Variants in SPON1 observed in about 807,000 individuals in gnomAD.
SPON1 encodes spondin 1.
Under a neutral mutation model 111.7 loss-of-function variants are expected in SPON1, and 52 were observed. That is an observed-to-expected ratio of 0.47 (90% CI 0.37 to 0.59). The LOEUF is 0.59. Among genes scored for constraint, SPON1 ranks in the 20% least tolerant of loss-of-function variants. SPON1 has a pLI of 0.00. For synonymous variants in SPON1, 410 were observed against 395.8 expected, an observed-to-expected ratio of 1.04 and a Z score of -0.43; for missense variants, 957 against 1,068.5, an observed-to-expected ratio of 0.90 and a Z score of 1.46.
intron 7 of SPON1, among the ~76,000 whole-genome samples, chr11:14,245,921 G>A (rs12807052): frequency 0.11 from 17,317 of 152,260 alleles, 1,280 homozygotes; most frequent in South Asian, 0.18. Flanking sequence ...AAACAAGGAT[G>A]TGAATTCACA....
At chr11:14,009,653 T>C (rs923594711) in intron 2 of SPON1, among the ~76,000 whole-genome samples, 1 of 152,238 alleles carries the variant, frequency 6.6e-6, no homozygotes, top group Non-Finnish European at 1.5e-5. Flanking sequence ...ACAAAATATC[T>C]TAGACTCAGT....
chr11:14,044,903 A>G (rs1297566092), intron 3 of SPON1, among the ~76,000 whole-genome samples: 1 of 152,192 alleles, frequency 6.6e-6, no homozygotes. Context: ...TAACTGCTGC[A>G]TGTCTATGGT....
In SPON1 at chr11:14,020,360, A is replaced by C. The variant is rs536003013; in HGVS notation, c.346-21161A>C. Among the ~76,000 whole-genome samples the C allele has an allele frequency of 2.6e-5, 4 of 152,348 alleles. No homozygotes were observed. The South Asian group carries it at 8.3e-4, about 32-fold the overall frequency. Reference sequence around the variant, plus strand: ...AGCTTTGAGCAGAATGAGGCTGTAAAAAGCTGTCAGAGTTGGCAGTGAGGA... The same window carrying C: ...AGCTTTGAGCAGAATGAGGCTGTAACAAGCTGTCAGAGTTGGCAGTGAGGA... On this transcript the variant is annotated intron_variant, in intron 2 of 15. Coordinates refer to ENST00000576479, the MANE Select transcript of SPON1 (RefSeq NM_006108.4).
rs1554938370 is a variant in SPON1, at chr11:14,228,879, C to A, written c.826-14453C>A. On this transcript the variant is annotated intron_variant, in intron 6 of 15. Coordinates refer to ENST00000576479, the MANE Select transcript of SPON1 (RefSeq NM_006108.4). This position sits in a 1 kb window ranked among gnomAD's most constrained non-coding sequence, Gnocchi z 4.2. Reference sequence around the variant, plus strand: ...TCTTTGAGATGATCCTTAATATGTACACAATCTATTATTTTATTCTCACAA... The same window carrying A: ...TCTTTGAGATGATCCTTAATATGTAAACAATCTATTATTTTATTCTCACAA... Among the ~76,000 whole-genome samples the A allele has an allele frequency of 6.6e-6, 1 of 152,186 alleles. No homozygotes were observed. Among genetic ancestry groups the A allele is most frequent in the Non-Finnish European group, 1.5e-5 (1 of 68,036 alleles).
chr11:14,098,116 C>T (rs947175861), intron 5 of SPON1, among the ~76,000 whole-genome samples: 3 of 152,224 alleles, frequency 2.0e-5, no homozygotes, highest in Admixed American at 2.0e-4. Context: ...CTGCCTCAGC[C>T]TCCCCACTAG....
chr11:13,974,075 T>A (rs1848084338), intron 1 of SPON1, among the ~76,000 whole-genome samples: 1 of 152,178 alleles, frequency 6.6e-6, no homozygotes, highest in South Asian at 2.1e-4. Flanking sequence ...CCAGCAAATC[T>A]TTTCTTGCCT....
chr11:14,010,072 C>A (rs928789938), intron 2 of SPON1, among the ~76,000 whole-genome samples: 1 of 152,072 alleles, frequency 6.6e-6, no homozygotes, highest in Non-Finnish European at 1.5e-5. Flanking sequence ...TAGGTATGCA[C>A]TGCAGGAACA....
intron 4 of SPON1, 95 bp from the exon 5 acceptor site, chr11:14,079,804 C>T: frequency 7.3e-7 from 1 of 1,366,014 alleles, no homozygotes; most frequent in South Asian, 1.3e-5. Context: ...ATCTTCTTTT[C>T]CTAAGGGTTA....
intron 3 of SPON1, 52 bp from the exon 4 acceptor site, chr11:14,075,293 A>G: frequency 7.0e-7 from 1 of 1,429,294 alleles, no homozygotes; most frequent in Middle Eastern, 1.7e-4. Flanking sequence ...GATCTCCCAA[A>G]CCTGCCTTCC....
rs567244205 is a variant in SPON1, at chr11:14,260,646, C to T, written c.1890C>T (p.Cys630=). Residue 630 remains cysteine (C), a synonymous_variant, in exon 14 of 16, where the codon TGC becomes TGT. Transcript: ENST00000576479. ...WSEWSDCSVT[C]GKGMRTRQRM... ...AGTGGAGTGACTGCAGCGTGACCTGCGGGAAGGGCATGCGAACCCGACAGC... is the reference window on the plus strand; with the variant it reads ...AGTGGAGTGACTGCAGCGTGACCTGTGGGAAGGGCATGCGAACCCGACAGC... The T allele has an allele frequency of 1.2e-5, 20 of 1,613,914 alleles. No individual in the cohort carries two copies. Among genetic ancestry groups the T allele is most frequent in the African/African-American group, 2.7e-5 (2 of 75,014 alleles).
intron 2 of SPON1, among the ~76,000 whole-genome samples, chr11:14,034,945 A>C (rs1318992135): frequency 6.6e-6 from 1 of 152,240 alleles, no homozygotes; most frequent in Non-Finnish European, 1.5e-5. Context: ...CTCTGCGACC[A>C]TCAGCAAACA....
At chr11:14,147,763 T>TTTTTTTTA in intron 6 of SPON1, among the ~76,000 whole-genome samples, 1 of 149,646 alleles carries the variant, frequency 6.7e-6, no homozygotes, top group African/African-American at 2.5e-5. Flanking sequence ...TTTTTTTTTT[T>TTTTTTTTA]TGAGAGGAGT....
At chr11:14,102,120 A>G (rs1591375973) in intron 5 of SPON1, among the ~76,000 whole-genome samples, 1 of 152,350 alleles carries the variant, frequency 6.6e-6, no homozygotes, top group East Asian at 1.9e-4. Flanking sequence ...TTACAAAATT[A>G]CAATACACTT....
At chr11:14,163,034 T>A (rs1847985588) in intron 6 of SPON1, among the ~76,000 whole-genome samples, 1 of 152,192 alleles carries the variant, frequency 6.6e-6, no homozygotes, top group South Asian at 2.1e-4. Context: ...TCACCTTCCT[T>A]GTCACCACTC....
At chr11:14,113,747 C>T (rs1245482567) in intron 5 of SPON1, among the ~76,000 whole-genome samples, 6 of 151,316 alleles carry the variant, frequency 4.0e-5, no homozygotes, top group Non-Finnish European at 7.4e-5. Flanking sequence ...GGACTACAGG[C>T]GCCCGCCACC....
chr11:14,210,037 T>C (rs7116114), intron 6 of SPON1, among the ~76,000 whole-genome samples: 71,249 of 152,118 alleles, frequency 0.47, 17,389 homozygotes, highest in Middle Eastern at 0.58. Flanking sequence ...TTTCGTATGT[T>C]TGTTGGCCAT....
intron 6 of SPON1, among the ~76,000 whole-genome samples, chr11:14,154,077 T>C (rs1847815120): frequency 6.6e-6 from 1 of 152,186 alleles, no homozygotes; most frequent in Non-Finnish European, 1.5e-5. Flanking sequence ...GCAGCTGTTT[T>C]CACAGACTGG....
rs141077252 is a variant in SPON1, at chr11:14,241,519, G to A, written c.826-1813G>A. Among the ~76,000 whole-genome samples the A allele has an allele frequency of 5.9e-3, 895 of 152,316 alleles. 7 individuals are homozygous for A. The highest frequency in any genetic ancestry group is 0.021 in the African/African-American group (858 of 41,572). On this transcript the variant is annotated intron_variant, in intron 6 of 15. Transcript: ENST00000576479. ...ATCCTCAGCCTGACTGGTGTCGGGGGTGAAGGGAGCTGCTGGTGTTTGGCA... is the reference window on the plus strand; with the variant it reads ...ATCCTCAGCCTGACTGGTGTCGGGGATGAAGGGAGCTGCTGGTGTTTGGCA...
At chr11:14,100,960 G>C (rs1341355857) in intron 5 of SPON1, among the ~76,000 whole-genome samples, 1 of 152,038 alleles carries the variant, frequency 6.6e-6, no homozygotes, top group Non-Finnish European at 1.5e-5. Flanking sequence ...GTCTGAATTT[G>C]GTTGCTTCCT....
Sources: gnomAD v4.1 joint callset for allele counts (sites outside exome capture counted in the v4.1 genomes callset) on GRCh38, gnomAD v4.1.1 for gene constraint, Gnocchi (gnomAD v3.1) non-coding constraint, MANE v1.5 for transcripts, NCBI Gene and HGNC (gene_info 2026-07-23, HGNC 2026-07-21) for gene names.